The following DUSP11 variants were observed in gnomAD, a reference collection of about 807,000 sequenced individuals.
DUSP11 encodes the protein dual specificity phosphatase 11.
DUSP11 carries 27 observed loss-of-function variants against 41.4 expected under a neutral mutation model. The ratio of observed to expected loss-of-function variants is 0.65; its 90% CI spans 0.48 to 0.90. The LOEUF is 0.90. DUSP11 is among the 40% of genes least tolerant of loss of function. The pLI is 0.00. For synonymous variants in DUSP11, 188 were observed against 159.3 expected, an observed-to-expected ratio of 1.18 and a Z score of -1.35; for missense variants, 465 against 461.1, an observed-to-expected ratio of 1.01 and a Z score of -0.08.
intron 8 of DUSP11, among the ~76,000 whole-genome samples, chr2:73,763,772 C>T (rs939161696): frequency 5.3e-5 from 8 of 152,072 alleles, no homozygotes; most frequent in Non-Finnish European, 8.8e-5. Context: ...GAAAAACCCC[C>T]CACTGCAGAG....
rs761876917 is a variant in DUSP11 at position 73,766,569 on chromosome 2, AC to A, written c.783del (p.Arg261SerfsTer85). ...TGTGCTGAGTCTTCAAAATCACTTG[AC>A]CTGGGTACACTGGAATTCCAATTCC... On this transcript the variant is annotated frameshift_variant, in exon 8 of 9. Transcript: ENST00000272444. LOFTEE classifies it high-confidence loss of function. 6.2e-7 allele frequency: 1 copy of A among 1,611,282 alleles called. No individual in the cohort carries two copies. Among genetic ancestry groups the A allele is most frequent in the South Asian group, 1.1e-5 (1 of 90,176 alleles).
chr2:73,771,660 AT>A (rs34330062), intron 4 of DUSP11, among the ~76,000 whole-genome samples: 120 of 134,868 alleles, frequency 8.9e-4, no homozygotes, highest in Admixed American at 1.6e-3. Flanking sequence ...TGCCTGGGTT[AT>A]TTTTTTTTTT....
intron 4 of DUSP11, among the ~76,000 whole-genome samples, chr2:73,771,755 G>C (rs1376736519): frequency 6.6e-6 from 1 of 150,534 alleles, no homozygotes; most frequent in Non-Finnish European, 1.5e-5. Context: ...GCCCACCTCG[G>C]CCTCCTAAAG....
At chr2:73,772,355 G>A (rs1672599128) in intron 4 of DUSP11, among the ~76,000 whole-genome samples, 1 of 152,114 alleles carries the variant, frequency 6.6e-6, no homozygotes, top group Admixed American at 6.6e-5. Context: ...TGTGGGAAGG[G>A]ATTATAGCAG....
chr2:73,775,180 A>G (rs1029461621), intron 2 of DUSP11, 136 bp from the exon 3 acceptor site: 5 of 703,210 alleles, frequency 7.1e-6, no homozygotes, highest in African/African-American at 1.8e-5. Context: ...CATAGAAGGT[A>G]TATTACAACA....
chr2:73,777,223 C>A (rs920228052), intron 2 of DUSP11, among the ~76,000 whole-genome samples: 3 of 152,320 alleles, frequency 2.0e-5, no homozygotes, highest in Non-Finnish European at 4.4e-5. Context: ...AAGCGATACA[C>A]CCACCTTGCC....
rs970687892 is a variant in DUSP11, at chr2:73,780,096, A to G, written c.20T>C (p.Leu7Pro). 2.6e-6 allele frequency: 4 copies of G among 1,566,322 alleles called. No individual in the cohort carries two copies. The South Asian group carries it at 3.4e-5, about 13-fold the overall frequency. Reference sequence around the variant, plus strand: ...TCGGCAGCCACCTACGCCGCGCTCCAGCGTCTCGCTATTGCGCATGTGCCA... The same window carrying G: ...TCGGCAGCCACCTACGCCGCGCTCCGGCGTCTCGCTATTGCGCATGTGCCA... Residue 7 changes from leucine to proline, a missense_variant, in exon 1 of 9, where the codon CTG (leucine) becomes CCG (proline). Leu to Pro is a moderately conservative substitution (Grantham distance 98). Coordinates refer to ENST00000272444, the Ensembl canonical transcript of DUSP11.
rs1358176035 is a variant in DUSP11, at chr2:73,771,827, C to CT, written c.574+1972dup. On this transcript the variant is annotated intron_variant, in intron 4 of 8. Coordinates refer to ENST00000272444, the Ensembl canonical transcript of DUSP11. ...TTTTTGTTCTATAATTAACCCACAT[C>CT]TTTTTTTTTTTGAGACAGGGTCTTG... 5.5e-3 allele frequency among the ~76,000 whole-genome samples: 736 copies of CT among 134,900 alleles called. 13 individuals carry two copies. Among genetic ancestry groups the CT allele is most frequent in the African/African-American group, 0.018 (642 of 36,414 alleles). 88.5% of individuals were successfully genotyped at this position (134,900 alleles called of 152,430 possible).
intron 4 of DUSP11, among the ~76,000 whole-genome samples, chr2:73,771,983 G>A (rs1467830562): frequency 1.4e-5 from 2 of 144,366 alleles, no homozygotes; most frequent in Non-Finnish European, 3.0e-5. Flanking sequence ...ACCACGCCTG[G>A]CTAATTTTTT....
chr2:73,763,167 C>G (rs1304066612), intron 8 of DUSP11, among the ~76,000 whole-genome samples: 1 of 152,144 alleles, frequency 6.6e-6, no homozygotes, highest in Non-Finnish European at 1.5e-5. Context: ...GCCTTTCCAC[C>G]TTTCCCTACA....
intron 2 of DUSP11, 148 bp from the exon 3 acceptor site, chr2:73,775,192 TCC>T: frequency 3.0e-6 from 2 of 656,412 alleles, no homozygotes; most frequent in Non-Finnish European, 4.8e-6. Flanking sequence ...ATTACAACAA[TCC>T]TTTCTTCCAG....
At chr2:73,767,038 G>A (rs1372913869) in intron 6 of DUSP11, 123 bp downstream of exon 6, 1 of 1,253,900 alleles carries the variant, frequency 8.0e-7, no homozygotes, top group Non-Finnish European at 1.2e-6. Flanking sequence ...CTTTTGGCAA[G>A]ACTATCTTAT....
chr2:73,772,436 G>C (rs755013224), intron 4 of DUSP11, among the ~76,000 whole-genome samples: 5 of 152,138 alleles, frequency 3.3e-5, no homozygotes, highest in Non-Finnish European at 7.3e-5. Context: ...GACTTAGACA[G>C]TCAGCACCAC....
Position 73,762,898 on chromosome 2 carries a change from T to G in DUSP11, c.936-39A>C, listed in dbSNP as rs541311433. On this transcript the variant is annotated intron_variant, in intron 8 of 8. Transcript: ENST00000272444. ...AAAAAGTAATAAGCCATTACTAGGA[T>G]TAATACAATAATTTTTATTTATTTT... 8 of 877,980 alleles carry G rather than the reference T, an allele frequency of 9.1e-6. No individual in the cohort carries two copies. The South Asian group carries it at 2.6e-4, about 28-fold the overall frequency. The allele number at this position is 877,980 out of a possible 1,614,324, so 54.4% of individuals were successfully genotyped here.
chr2:73,778,651 C>T (rs1672730915), intron 1 of DUSP11, among the ~76,000 whole-genome samples: 2 of 152,198 alleles, frequency 1.3e-5, no homozygotes, highest in Non-Finnish European at 2.9e-5. Flanking sequence ...ACTTCTGTAT[C>T]CCTGTTAAAC....
intron 8 of DUSP11, among the ~76,000 whole-genome samples, chr2:73,763,839 C>T (rs1389857492): frequency 6.6e-6 from 1 of 152,148 alleles, no homozygotes. Flanking sequence ...GTTCTTTTCC[C>T]CAGCATCTTT....
intron 2 of DUSP11, among the ~76,000 whole-genome samples, chr2:73,777,162 G>A (rs1459670974): frequency 6.6e-6 from 1 of 152,074 alleles, no homozygotes; most frequent in Non-Finnish European, 1.5e-5. Context: ...TGTATTTTTT[G>A]TAGAGACACG....
At chr2:73,774,157 A>G (rs1672636406) in intron 3 of DUSP11, among the ~76,000 whole-genome samples, 1 of 152,250 alleles carries the variant, frequency 6.6e-6, no homozygotes. Context: ...TACAAAACTG[A>G]AAGCAAATTC....
chr2:73,773,882 A>C, exon 4 of DUSP11: 1 of 1,604,276 alleles, frequency 6.2e-7, no homozygotes, highest in Non-Finnish European at 8.5e-7. Context: ...CTTGATGTCC[A>C]ACTGTAAAAA....
Sources: gnomAD v4.1 joint callset for allele counts (sites outside exome capture counted in the v4.1 genomes callset) on GRCh38, gnomAD v4.1.1 for gene constraint, MANE v1.5 for transcripts, NCBI Gene and HGNC (gene_info 2026-07-23, HGNC 2026-07-21) for gene names.